THSD7A: variants seen among roughly 807,000 people sequenced by gnomAD.
The protein encoded by THSD7A is thrombospondin type-1 domain-containing protein 7A.
Under a neutral mutation model 231.3 loss-of-function variants are expected in THSD7A, and 96 were observed. The ratio of observed to expected loss-of-function variants is 0.41; its 90% CI spans 0.35 to 0.49. The LOEUF (loss-of-function observed/expected upper bound fraction) is 0.49. Ranked by LOEUF, THSD7A falls within the 20% of genes least tolerant of loss-of-function variation. The pLI, the probability that THSD7A is intolerant of heterozygous loss-of-function variation, is 0.05. For missense variants in THSD7A, 2,290 were observed against 2,070.2 expected (o/e 1.11, Z -2.06); for synonymous variants, 940 against 743.3 (o/e 1.26, Z -4.30).
rs1476175826 is a variant in THSD7A at position 11,406,081 on chromosome 7, T to G, written c.4237+219A>C. On this transcript the variant is annotated intron_variant, in intron 22 of 27. Transcript: ENST00000423059. The surrounding 1 kb of genome is among the most constrained non-coding windows in gnomAD (Gnocchi z 4.7). ...CTGCAGATGTTAAAACTCCAGAGGG[T>G]GTTGAGAGGCCACATGGGAGACCTG... is the stretch of plus-strand genomic sequence containing the variant. Among the ~76,000 whole-genome samples the G allele has an allele frequency of 6.6e-6, 1 of 151,936 alleles. No individual in the cohort carries two copies. The highest frequency in any genetic ancestry group is 2.4e-5 in the African/African-American group (1 of 41,336).
intron 13 of THSD7A, among the ~76,000 whole-genome samples, chr7:11,435,014 A>G (rs1488480890): frequency 1.3e-5 from 2 of 151,894 alleles, no homozygotes; most frequent in East Asian, 3.9e-4. Flanking sequence ...TATTTTAATT[A>G]TATTTATTCA....
At chr7:11,437,479 C>A (rs935832117) in intron 13 of THSD7A, among the ~76,000 whole-genome samples, 5 of 152,178 alleles carry the variant, frequency 3.3e-5, no homozygotes, top group Admixed American at 1.3e-4. Context: ...TCCCTCATCC[C>A]CTGCCTCTCT....
chr7:11,469,162 G>C (rs1345902403), intron 9 of THSD7A, among the ~76,000 whole-genome samples: 2 of 152,102 alleles, frequency 1.3e-5, no homozygotes, highest in Non-Finnish European at 2.9e-5. Context: ...TGTTGAGTAA[G>C]ATAAGAAATA....
At chr7:11,425,767 GAGAGAC>G (rs1341990409) in intron 15 of THSD7A, among the ~76,000 whole-genome samples, 12 of 124,908 alleles carry the variant, frequency 9.6e-5, no homozygotes, top group African/African-American at 1.4e-4. Flanking sequence ...CACACACACT[GAGAGAC>G]AGAGACAGAG....
At chr7:11,766,214 A>G (rs1783024589) in intron 1 of THSD7A, among the ~76,000 whole-genome samples, 1 of 152,164 alleles carries the variant, frequency 6.6e-6, no homozygotes, top group Admixed American at 6.5e-5. Context: ...TAGCAATCAC[A>G]ATATTTCCTA....
At chr7:11,752,830 T>G (rs1260805071) in intron 1 of THSD7A, among the ~76,000 whole-genome samples, 1 of 151,806 alleles carries the variant, frequency 6.6e-6, no homozygotes, top group Non-Finnish European at 1.5e-5. Flanking sequence ...AGAGGCTGAG[T>G]TGAGAGGATT....
intron 11 of THSD7A, among the ~76,000 whole-genome samples, chr7:11,453,039 C>G (rs1209743928): frequency 2.0e-5 from 3 of 151,784 alleles, no homozygotes; most frequent in African/African-American, 7.3e-5. Context: ...TTGAAGAACT[C>G]TCTTTTGACA....
intron 22 of THSD7A, among the ~76,000 whole-genome samples, chr7:11,402,438 T>A (rs1286473224): frequency 6.6e-6 from 1 of 152,252 alleles, no homozygotes; most frequent in Non-Finnish European, 1.5e-5. Flanking sequence ...TTTTCATTCC[T>A]ATTTCTTCCC....
intron 1 of THSD7A, among the ~76,000 whole-genome samples, chr7:11,764,727 A>T (rs1328104793): frequency 6.6e-6 from 1 of 152,142 alleles, no homozygotes; most frequent in Non-Finnish European, 1.5e-5. Context: ...CCAATTTAGT[A>T]AACTAATGGA....
rs990424542 is a variant in THSD7A at position 11,814,087 on chromosome 7, A to G, written c.190+17670T>C. ...ATGATGCCATTCATATGAAAGGTCCAGACTAGGCGAATAGAGAAAAAGTAG... is the reference window on the plus strand; with the variant it reads ...ATGATGCCATTCATATGAAAGGTCCGGACTAGGCGAATAGAGAAAAAGTAG... On this transcript the variant is annotated intron_variant, in intron 1 of 27. Transcript: ENST00000423059. This position sits in a 1 kb window ranked among gnomAD's most constrained non-coding sequence, Gnocchi z 5.1. 1.2e-4 allele frequency among the ~76,000 whole-genome samples: 19 copies of G among 152,318 alleles called. No homozygotes were observed. Among genetic ancestry groups the G allele is most frequent in the South Asian group, 1.0e-3 (5 of 4,826 alleles).
At chr7:11,553,940 G>A (rs1392162947) in intron 4 of THSD7A, among the ~76,000 whole-genome samples, 1 of 151,730 alleles carries the variant, frequency 6.6e-6, no homozygotes, top group South Asian at 2.1e-4. Flanking sequence ...TCTAAAGATA[G>A]TTTATATATC....
intron 1 of THSD7A, among the ~76,000 whole-genome samples, chr7:11,680,364 A>G (rs1326887682): frequency 6.6e-6 from 1 of 152,192 alleles, no homozygotes; most frequent in Admixed American, 6.5e-5. Context: ...ATCTAATTAA[A>G]CTAAAGAGCT....
chr7:11,750,084 C>A (rs942371293), intron 1 of THSD7A, among the ~76,000 whole-genome samples: 1 of 151,002 alleles, frequency 6.6e-6, no homozygotes, highest in African/African-American at 2.4e-5. Context: ...GAATCCCTTC[C>A]CAGTTCCTGG....
rs888869947 is a variant in THSD7A, at chr7:11,424,794, G to A, written c.3285C>T (p.Asn1095=). ...YEVVPCHSDC[N]QYLWVTEPWS... is the part of the protein sequence containing the mutation. ...AGGGCTCTGTGACCCATAGGTACTGGTTGCAGTCACTGTGGCATGGGACAA... is the reference window on the plus strand; with the variant it reads ...AGGGCTCTGTGACCCATAGGTACTGATTGCAGTCACTGTGGCATGGGACAA... The change falls in exon 16 of 28, where the codon AAC becomes AAT. Residue 1095 remains asparagine (N), a synonymous_variant. Transcript: ENST00000423059. 20 of 1,613,836 alleles carry A rather than the reference G, an allele frequency of 1.2e-5. No homozygotes were observed. The highest frequency in any genetic ancestry group is 1.7e-5 in the Non-Finnish European group (20 of 1,179,884).
At position 11,719,274 on chromosome 7, in the gene THSD7A, C is replaced by T. The variant is rs77568477; in HGVS notation, c.191-82313G>A. Among the ~76,000 whole-genome samples, 663 of 151,698 alleles carry T rather than the reference C, an allele frequency of 4.4e-3. 6 individuals are homozygous for T. The highest frequency in any genetic ancestry group is 0.015 in the African/African-American group (640 of 41,460). ...ATGGTCTCTGTTTCCTCCCACCCTA[C>T]GCCCTTGGAGTTCTCTCAGGTGACT... On this transcript the variant is annotated intron_variant, in intron 1 of 27. Transcript: ENST00000423059.
rs1785871613 is a variant in THSD7A, at chr7:11,470,007, A to C, written c.2253-13T>G. The C allele has an allele frequency of 6.6e-7, 1 of 1,522,844 alleles. No homozygotes were observed. 94.3% of individuals were successfully genotyped at this position (1,522,844 alleles called of 1,614,324 possible). On this transcript the variant is annotated splice_polypyrimidine_tract_variant and intron_variant, in intron 8 of 27. Transcript: ENST00000423059. ...GCTTTCAGGACATCTAGAAAGGCAA[A>C]GGGGAATTATTAGGCTTCAATAGTA...
intron 2 of THSD7A, among the ~76,000 whole-genome samples, chr7:11,609,369 A>G (rs899661797): frequency 2.0e-5 from 3 of 152,158 alleles, no homozygotes; most frequent in African/African-American, 7.2e-5. Flanking sequence ...ATGTAATAAA[A>G]GAAAATCTAA....
At chr7:11,741,967 G>C (rs1397295213) in intron 1 of THSD7A, among the ~76,000 whole-genome samples, 1 of 151,870 alleles carries the variant, frequency 6.6e-6, no homozygotes, top group African/African-American at 2.4e-5. Flanking sequence ...ATATAGATGT[G>C]GGTACTGATC....
chr7:11,524,627 G>A (rs532321293), intron 6 of THSD7A, among the ~76,000 whole-genome samples: 1 of 152,268 alleles, frequency 6.6e-6, no homozygotes, highest in South Asian at 2.1e-4. Context: ...GCCGGAAACA[G>A]AGCTCCACAG....
Sources: allele counts gnomAD v4.1 joint callset (sites outside exome capture counted in the v4.1 genomes callset), GRCh38; gene constraint gnomAD v4.1.1; non-coding constraint Gnocchi (gnomAD v3.1); transcripts MANE v1.5; gene names NCBI Gene and HGNC (gene_info 2026-07-23, HGNC 2026-07-21).